ADAMTS15: variants seen among roughly 807,000 people sequenced by gnomAD.
ADAMTS15 encodes the protein A disintegrin and metalloproteinase with thrombospondin motifs 15.
In ADAMTS15, 35 loss-of-function variants were observed where a neutral mutation model predicts 79.1. The observed-to-expected ratio is 0.44, with a 90% CI of 0.34 to 0.59. ADAMTS15 has a LOEUF of 0.59. Ranked by LOEUF, ADAMTS15 falls within the 20% of genes least tolerant of loss-of-function variation. The probability of loss-of-function intolerance (pLI) is 0.02; values close to 1 mark genes in which losing one functional copy is unlikely to be tolerated. For synonymous variants in ADAMTS15, 616 were observed against 567.3 expected (o/e 1.09, Z -1.22); for missense variants, 1,324 against 1,318.7 (o/e 1.00, Z -0.06).
At chr11:130,451,318 A>G (rs1455510883) in intron 1 of ADAMTS15, among the ~76,000 whole-genome samples, 1 of 152,226 alleles carries the variant, frequency 6.6e-6, no homozygotes, top group Non-Finnish European at 1.5e-5. Context: ...AGTCTTCCAC[A>G]GTAACCCATT....
chr11:130,470,175 T>C (rs1210376278), intron 5 of ADAMTS15, among the ~76,000 whole-genome samples: 92 of 58,254 alleles, frequency 1.6e-3, no homozygotes, highest in African/African-American at 6.7e-3. Flanking sequence ...TATATATATA[T>C]ATATATGTGT....
At position 130,471,000 on chromosome 11, in the gene ADAMTS15, G is replaced by C; in HGVS notation, c.1801G>C (p.Val601Leu). The C allele has an allele frequency of 6.2e-7, 1 of 1,613,842 alleles. No homozygotes were observed. Among genetic ancestry groups the C allele is most frequent in the Non-Finnish European group, 8.5e-7 (1 of 1,180,034 alleles). ...CAGCACCAACCGGCTCACTCTCGCC[G>C]TGGCATGGGTGCCCAAGTACTCCGG... ...NHSTNRLTLA[V>L]AWVPKYSGVS... The change falls in exon 6 of 8, where the codon GTG (valine) becomes CTG (leucine). Residue 601 changes from valine (V) to leucine (L), a missense_variant. Val to Leu is a conservative substitution (Grantham distance 32). Transcript: ENST00000299164.
At chr11:130,466,731 G>A (rs557963977) in intron 4 of ADAMTS15, among the ~76,000 whole-genome samples, 1 of 152,318 alleles carries the variant, frequency 6.6e-6, no homozygotes, top group South Asian at 2.1e-4. Context: ...CCACTTCTCT[G>A]CTCAGCACCC....
intron 4 of ADAMTS15, among the ~76,000 whole-genome samples, chr11:130,467,767 ACTAAAAAAAAAAC>A (rs1257150563): frequency 1.3e-5 from 2 of 148,384 alleles, no homozygotes; most frequent in African/African-American, 5.2e-5. Flanking sequence ...GTTTAAAAAA[ACTAAAAAAAAAAC>A]CTAAAAAAAA....
chr11:130,457,084 T>C (rs879887257), intron 1 of ADAMTS15, among the ~76,000 whole-genome samples: 1 of 151,594 alleles, frequency 6.6e-6, no homozygotes, highest in Non-Finnish European at 1.5e-5. Context: ...AATGCAAAAA[T>C]TAGCCAGGCG....
At chr11:130,454,723 TG>T (rs1938037947) in intron 1 of ADAMTS15, among the ~76,000 whole-genome samples, 1 of 152,140 alleles carries the variant, frequency 6.6e-6, no homozygotes, top group Non-Finnish European at 1.5e-5. Flanking sequence ...TGCAATATGT[TG>T]GTTCCCTGTC....
intron 1 of ADAMTS15, among the ~76,000 whole-genome samples, chr11:130,456,465 G>A (rs888076999): frequency 6.6e-6 from 1 of 152,166 alleles, no homozygotes; most frequent in African/African-American, 2.4e-5. Context: ...TCGTCACATT[G>A]CCAAGGCACT....
chr11:130,472,042 C>G lies in ADAMTS15; in HGVS notation c.2078+659C>G. Among the ~76,000 whole-genome samples, 1 of 152,364 alleles carries G rather than the reference C, an allele frequency of 6.6e-6. No individual in the cohort carries two copies. ...ATCCCTGGGCATCTAGTCCCAACTT[C>G]AGAATCTGGGCCTCCCAGCTTGAGC... is the stretch of plus-strand genomic sequence containing the variant. On this transcript the variant is annotated intron_variant, in intron 7 of 7. Transcript: ENST00000299164. This position sits in a 1 kb window ranked among gnomAD's most constrained non-coding sequence, Gnocchi z 4.7.
Position 130,473,778 on chromosome 11 carries a change from G to T in ADAMTS15, c.2810G>T (p.Arg937Leu). ...GCCCGGGACCAGTGCAACTTGCACCGCAAGCCCCAGGAGCTGGACTTCTGC... is the reference window on the plus strand; with the variant it reads ...GCCCGGGACCAGTGCAACTTGCACCTCAAGCCCCAGGAGCTGGACTTCTGC... ...LLARDQCNLH[R>L]KPQELDFCVL... Residue 937 changes from arginine to leucine, a missense_variant, in exon 8 of 8, where the codon CGC (arginine) becomes CTC (leucine). Arg to Leu is a moderately radical substitution (Grantham distance 102, BLOSUM62 -2). Coordinates refer to ENST00000299164, the MANE Select transcript of ADAMTS15 (RefSeq NM_139055.4). 1.9e-6 allele frequency: 3 copies of T among 1,598,774 alleles called. No homozygotes were observed. The highest frequency in any genetic ancestry group is 2.5e-6 in the Non-Finnish European group (3 of 1,179,656).
chr11:130,451,950 CCTT>C (rs1263783658), intron 1 of ADAMTS15, among the ~76,000 whole-genome samples: 3 of 152,186 alleles, frequency 2.0e-5, no homozygotes, highest in African/African-American at 7.2e-5. Flanking sequence ...TTAGAAGCTG[CCTT>C]CCCCTTAGGT....
At chr11:130,454,600 G>A (rs1042956934) in intron 1 of ADAMTS15, among the ~76,000 whole-genome samples, 1 of 152,164 alleles carries the variant, frequency 6.6e-6, no homozygotes, top group Non-Finnish European at 1.5e-5. Context: ...TAGGAGAGAG[G>A]TCATTGGTAG....
At chr11:130,470,145 T>C (rs1313052724) in intron 5 of ADAMTS15, among the ~76,000 whole-genome samples, 20 of 59,338 alleles carry the variant, frequency 3.4e-4, no homozygotes, top group African/African-American at 1.2e-3. Flanking sequence ...TATATATATA[T>C]ATATATGTGT....
chr11:130,449,534 C>T lies in ADAMTS15; in HGVS notation c.561C>T (p.Ala187=), dbSNP rs747319086. Residue 187 remains alanine (A), a synonymous_variant, in exon 1 of 8, where the codon GCC becomes GCT. Coordinates refer to ENST00000299164, the MANE Select transcript of ADAMTS15 (RefSeq NM_139055.4). The surrounding 1 kb of genome is among the most constrained non-coding windows in gnomAD (Gnocchi z 7.8). Reference sequence around the variant, plus strand: ...GCTGGAACCCCGCCATCCTACGGGCCCTGGACCCTTACAAGCCGCGGCGGG... The same window carrying T: ...GCTGGAACCCCGCCATCCTACGGGCTCTGGACCCTTACAAGCCGCGGCGGG... ...ASGWNPAILR[A]LDPYKPRRAG... The T allele has an allele frequency of 1.3e-6, 2 of 1,574,570 alleles. No individual in the cohort carries two copies. The highest frequency in any genetic ancestry group is 1.7e-6 in the Non-Finnish European group (2 of 1,160,260).
At position 130,449,248 on chromosome 11, in the gene ADAMTS15, C is replaced by G. The variant is rs753349042; in HGVS notation, c.275C>G (p.Thr92Ser). 5 of 1,613,498 alleles carry G rather than the reference C, an allele frequency of 3.1e-6. No homozygotes were observed. The Admixed American group carries it at 8.3e-5, about 27-fold the overall frequency. ...EHLGVPLQGL[T>S]GGSSDLRRCF... ...CTGGGCGTCCCCCTCCAGGGGCTCA[C>G]CGGGGGCTCTTCAGACCTGCGACGC... Residue 92 changes from threonine to serine, a missense_variant, in exon 1 of 8, where the codon ACC becomes AGC. Physicochemically the swap from Thr to Ser is moderately conservative, Grantham distance 58. Coordinates refer to ENST00000299164, the MANE Select transcript of ADAMTS15 (RefSeq NM_139055.4). This position sits in a 1 kb window ranked among gnomAD's most constrained non-coding sequence, Gnocchi z 7.8.
intron 1 of ADAMTS15, among the ~76,000 whole-genome samples, chr11:130,451,804 A>C (rs961611537): frequency 1.3e-5 from 2 of 152,130 alleles, no homozygotes; most frequent in Non-Finnish European, 2.9e-5. Flanking sequence ...TTTGAAGAAG[A>C]AGCAATCAAA....
chr11:130,462,069 T>C lies in ADAMTS15; in HGVS notation c.1091-18T>C. 6.3e-7 allele frequency: 1 copy of C among 1,579,408 alleles called. No homozygotes were observed. The highest frequency in any genetic ancestry group is 8.6e-7 in the Non-Finnish European group (1 of 1,157,160). On this transcript the variant is annotated intron_variant, in intron 2 of 7. Transcript: ENST00000299164. This position sits in a 1 kb window ranked among gnomAD's most constrained non-coding sequence, Gnocchi z 4.3. ...GTCCTTCCTCCTGCCCTCTCAGTCC[T>C]CTTGCCTTACCCCACAGGCCACGTG...
At chr11:130,457,883 C>T (rs2134722439) in intron 1 of ADAMTS15, among the ~76,000 whole-genome samples, 1 of 152,320 alleles carries the variant, frequency 6.6e-6, no homozygotes, top group South Asian at 2.1e-4. Flanking sequence ...TGACCCCATA[C>T]AGCTGTGTCT....
chr11:130,474,592 C>T lies in ADAMTS15; in HGVS notation c.*771C>T, dbSNP rs1188035946. On this transcript the variant is annotated 3_prime_UTR_variant, in exon 8 of 8. Coordinates refer to ENST00000299164, the MANE Select transcript of ADAMTS15 (RefSeq NM_139055.4). ...CTGTCTTCTTCAAGATGGAGCCGGCCATTACAGAAAGATGTTGACATTTGC... is the reference window on the plus strand; with the variant it reads ...CTGTCTTCTTCAAGATGGAGCCGGCTATTACAGAAAGATGTTGACATTTGC... 3 of 152,306 alleles carry T rather than the reference C, an allele frequency of 2.0e-5. No individual in the cohort carries two copies. Among genetic ancestry groups the T allele is most frequent in the African/African-American group, 4.8e-5 (2 of 41,438 alleles). The allele number at this position is 152,306 out of a possible 1,614,324, so 9.4% of individuals were successfully genotyped here. A position where few individuals can be genotyped will look rare whatever the true frequency, so the allele number is the denominator to read the frequency against.
chr11:130,456,735 A>T (rs887912012), intron 1 of ADAMTS15, among the ~76,000 whole-genome samples: 8 of 152,270 alleles, frequency 5.3e-5, no homozygotes, highest in South Asian at 2.1e-4. Flanking sequence ...CTTAATAGCC[A>T]TGGGGACTGG....
Sources: gnomAD v4.1 joint callset for allele counts (sites outside exome capture counted in the v4.1 genomes callset) on GRCh38, gnomAD v4.1.1 for gene constraint, Gnocchi (gnomAD v3.1) non-coding constraint, MANE v1.5 for transcripts, NCBI Gene and HGNC (gene_info 2026-07-23, HGNC 2026-07-21) for gene names.